Variants in FDCSP observed in about 807,000 individuals in gnomAD.
FDCSP encodes the protein follicular dendritic cell secreted peptide.
Under a neutral mutation model 8.9 loss-of-function variants are expected in FDCSP, and 8 were observed. The ratio of observed to expected loss-of-function variants is 0.90; its 90% CI spans 0.53 to 1.63. FDCSP has a LOEUF of 1.63. Ranked by LOEUF, FDCSP falls within the 40% of genes most tolerant of loss-of-function variation. The probability of loss-of-function intolerance (pLI) is 0.00; values close to 1 mark genes in which losing one functional copy is unlikely to be tolerated. For missense variants in FDCSP, 101 were observed against 103.6 expected (o/e 0.98, Z 0.11); for synonymous variants, 34 against 34.5 (o/e 0.98, Z 0.06).
At chr4:70,230,580 A>G (rs1020335614) in intron 1 of FDCSP, among the ~76,000 whole-genome samples, 2 of 151,706 alleles carry the variant, frequency 1.3e-5, no homozygotes, top group African/African-American at 4.8e-5. Flanking sequence ...TTGAAAGTCA[A>G]AATTACTCTA....
chr4:70,230,906 T>C (rs1407951521), intron 1 of FDCSP, among the ~76,000 whole-genome samples: 2 of 151,794 alleles, frequency 1.3e-5, no homozygotes, highest in Non-Finnish European at 2.9e-5. Context: ...GTTTGTTACA[T>C]AGGAATTAGT....
chr4:70,229,040 C>G (rs1204969032), intron 1 of FDCSP, among the ~76,000 whole-genome samples: 1 of 151,794 alleles, frequency 6.6e-6, no homozygotes. Context: ...GTTTTCTTCT[C>G]TTTAGCTATG....
chr4:70,230,717 G>T (rs1482479129), intron 1 of FDCSP, among the ~76,000 whole-genome samples: 1 of 151,558 alleles, frequency 6.6e-6, no homozygotes, highest in Non-Finnish European at 1.5e-5. Context: ...TTACTTTCAT[G>T]GACATTAGTA....
rs111988066 is a variant in FDCSP, at chr4:70,233,878, T to A, written c.91-142T>A. The A allele has an allele frequency of 8.1e-5, 56 of 694,414 alleles. No individual in the cohort carries two copies. In the African/African-American group the frequency reaches 8.5e-4, roughly 11 times the overall value. The allele number at this position is 694,414 out of a possible 1,614,324, so 43.0% of individuals were successfully genotyped here. ...AAATTAATAAACTCCCTGTCCATAG[T>A]ACACACAGAAAGGATAAAGGATTTT... On this transcript the variant is annotated intron_variant, in intron 3 of 4. Coordinates refer to ENST00000317987, the MANE Select transcript of FDCSP (RefSeq NM_152997.4).
rs1225302660 is a variant in FDCSP, at chr4:70,233,009, G to A, written c.73G>A (p.Glu25Lys). 2.5e-6 allele frequency: 4 copies of A among 1,593,176 alleles called. No individual in the cohort carries two copies. The highest frequency in any genetic ancestry group is 3.4e-6 in the Non-Finnish European group (4 of 1,172,454). Residue 25 changes from glutamate (E) to lysine (K), a missense_variant, in exon 3 of 5, where the codon GAA becomes AAA. Glu to Lys is a moderately conservative substitution (Grantham distance 56, BLOSUM62 1). Transcript: ENST00000317987. ...AVGFPVSQDQEREKRSISDSD... is the reference protein window; with the variant it reads ...AVGFPVSQDQKREKRSISDSD... ...TGATCTTTAGGTCTCTCAAGACCAG[G>A]AACGAGAAAAAAGAAGTGTAAGTTA...
intron 4 of FDCSP, 24 bp from the exon 5 acceptor site, chr4:70,235,061 C>A (rs1038200629): frequency 6.6e-6 from 1 of 151,582 alleles, no homozygotes; most frequent in African/African-American, 2.4e-5. Context: ...CAATTAATAA[C>A]CATATGTCTG....
intron 2 of FDCSP, among the ~76,000 whole-genome samples, chr4:70,232,751 A>T (rs1730107585): frequency 6.6e-6 from 1 of 151,638 alleles, no homozygotes. Flanking sequence ...TATAAACCAT[A>T]TACTGTTCAG....
At chr4:70,232,900 C>A in intron 2 of FDCSP, 94 bp from the exon 3 acceptor site, 1 of 1,036,676 alleles carries the variant, frequency 9.6e-7, no homozygotes, top group Non-Finnish European at 1.4e-6. Flanking sequence ...TATTATGAAA[C>A]AATATTAGGT....
chr4:70,226,820 G>C (rs1337911913), intron 1 of FDCSP, among the ~76,000 whole-genome samples: 2 of 148,794 alleles, frequency 1.3e-5, no homozygotes, highest in Non-Finnish European at 1.5e-5. Context: ...AAAGGAGATA[G>C]CTGGTAATTA....
At chr4:70,233,655 G>A (rs180901488) in intron 3 of FDCSP, among the ~76,000 whole-genome samples, 2 of 151,756 alleles carry the variant, frequency 1.3e-5, no homozygotes, top group African/African-American at 2.4e-5. Context: ...AAGGAACTGA[G>A]ATAATGAAAG....
chr4:70,229,427 TC>T (rs1227616813), intron 1 of FDCSP, among the ~76,000 whole-genome samples: 1 of 151,820 alleles, frequency 6.6e-6, no homozygotes, highest in African/African-American at 2.4e-5. Context: ...CACTTTTAAT[TC>T]CCTTCAAAAC....
rs191239507 is a variant in FDCSP, at chr4:70,226,150, G to A, written c.-33G>A. The stretch of plus-strand genomic sequence containing the variant: ...GTCACTTGCCATTTCTCATAACAGC[G>A]TCAGAGAGAAAGAACTGACTGAAAC... On this transcript the variant is annotated 5_prime_UTR_variant, in exon 1 of 5. Coordinates refer to ENST00000317987, the MANE Select transcript of FDCSP (RefSeq NM_152997.4). The A allele has an allele frequency of 7.9e-5, 12 of 151,930 alleles. No individual in the cohort carries two copies. Among genetic ancestry groups the A allele is most frequent in the East Asian group, 5.8e-4 (3 of 5,152 alleles). 9.4% of individuals were successfully genotyped at this position (151,930 alleles called of 1,614,324 possible).
intron 1 of FDCSP, among the ~76,000 whole-genome samples, chr4:70,227,342 G>C (rs1200490924): frequency 1.3e-5 from 2 of 151,702 alleles, no homozygotes; most frequent in East Asian, 3.9e-4. Flanking sequence ...AAAATTATTA[G>C]ATTATCTGGT....
At chr4:70,233,648 G>A (rs755202564) in intron 3 of FDCSP, among the ~76,000 whole-genome samples, 1 of 151,732 alleles carries the variant, frequency 6.6e-6, no homozygotes, top group Middle Eastern at 3.4e-3. Flanking sequence ...CAGGAAGAAG[G>A]AACTGAGATA....
intron 2 of FDCSP, among the ~76,000 whole-genome samples, 154 bp from the exon 3 acceptor site, chr4:70,232,840 A>G (rs1231717956): frequency 3.3e-5 from 5 of 151,672 alleles, no homozygotes; most frequent in Non-Finnish European, 1.5e-5. Flanking sequence ...ACTTTTTGGG[A>G]AAATCATTTC....
chr4:70,231,704 T>C (rs1270369044), intron 2 of FDCSP, among the ~76,000 whole-genome samples: 2 of 151,730 alleles, frequency 1.3e-5, no homozygotes, highest in African/African-American at 4.8e-5. Context: ...TTTATCATTA[T>C]TTTAGAGTTA....
rs754350250 is a variant in FDCSP, at chr4:70,233,019, AAAG to A, written c.87_89del (p.Arg29del). On this transcript the variant is annotated inframe_deletion, in exon 3 of 5. Coordinates refer to ENST00000317987, the MANE Select transcript of FDCSP (RefSeq NM_152997.4). Reference sequence around the variant, plus strand: ...GTCTCTCAAGACCAGGAACGAGAAAAAAGAAGTGTAAGTTACCTTTTCTCTTTT... The same window carrying A: ...GTCTCTCAAGACCAGGAACGAGAAAAAAGTGTAAGTTACCTTTTCTCTTTT... 7.5e-6 allele frequency: 12 copies of A among 1,596,132 alleles called. No homozygotes were observed. The East Asian group carries it at 2.7e-4, about 36-fold the overall frequency.
At position 70,233,036 on chromosome 4, in the gene FDCSP, C is replaced by T. The variant is rs1260571347; in HGVS notation, c.90+10C>T. 1.3e-6 allele frequency: 2 copies of T among 1,588,572 alleles called. No homozygotes were observed. The highest frequency in any genetic ancestry group is 1.8e-5 in the Admixed American group (1 of 55,460). On this transcript the variant is annotated intron_variant, in intron 3 of 4. Coordinates refer to ENST00000317987, the MANE Select transcript of FDCSP (RefSeq NM_152997.4). The stretch of plus-strand genomic sequence containing the variant: ...ACGAGAAAAAAGAAGTGTAAGTTAC[C>T]TTTTCTCTTTTTTACATGTAAGTTT...
chr4:70,232,696 G>A (rs921640652), intron 2 of FDCSP, among the ~76,000 whole-genome samples: 1 of 151,512 alleles, frequency 6.6e-6, no homozygotes, highest in African/African-American at 2.4e-5. Context: ...TATTCTGTAA[G>A]AATACCTAAC....
Sources: gnomAD v4.1 joint callset for allele counts (sites outside exome capture counted in the v4.1 genomes callset) on GRCh38, gnomAD v4.1.1 for gene constraint, MANE v1.5 for transcripts, NCBI Gene and HGNC (gene_info 2026-07-23, HGNC 2026-07-21) for gene names.